Variants in CDK14 observed in about 807,000 individuals in gnomAD.
CDK14 encodes cyclin dependent kinase 14, also known as cyclin-dependent kinase 14.
Under a neutral mutation model 60.7 loss-of-function variants are expected in CDK14, and 34 were observed. The observed-to-expected ratio is 0.56, with a 90% CI of 0.43 to 0.75. The LOEUF is 0.75. Ranked by LOEUF, CDK14 falls within the 30% of genes least tolerant of loss-of-function variation. The pLI is 0.00. For synonymous variants in CDK14, 197 were observed against 203.7 expected, an observed-to-expected ratio of 0.97 and a Z score of 0.28; for missense variants, 482 against 564.1, an observed-to-expected ratio of 0.85 and a Z score of 1.47.
intron 10 of CDK14, among the ~76,000 whole-genome samples, chr7:91,035,885 G>A (rs1405910797): frequency 3.5e-4 from 42 of 120,628 alleles, no homozygotes; most frequent in Admixed American, 8.8e-4. Flanking sequence ...CGCCCAGGCC[G>A]GACTGCGGAC....
intron 5 of CDK14, among the ~76,000 whole-genome samples, chr7:90,835,421 G>T (rs1790061710): frequency 6.6e-6 from 1 of 152,092 alleles, no homozygotes; most frequent in Non-Finnish European, 1.5e-5. Context: ...ACAGATAATT[G>T]CTGGAAGGAA....
At chr7:90,725,533 C>T (rs1003137107) in intron 2 of CDK14, among the ~76,000 whole-genome samples, 3 of 152,150 alleles carry the variant, frequency 2.0e-5, no homozygotes, top group African/African-American at 4.8e-5. Flanking sequence ...GTATTTTTAC[C>T]TTAACAGTGT....
At chr7:90,627,676 C>G (rs962087701) in intron 2 of CDK14, among the ~76,000 whole-genome samples, 3 of 152,258 alleles carry the variant, frequency 2.0e-5, no homozygotes, top group Middle Eastern at 3.4e-3. Context: ...GTTAGAAAAA[C>G]TAATTGTGGG....
rs146135003 is a variant in CDK14 at position 91,161,034 on chromosome 7, G to A, written c.*28+42826G>A. Reference sequence around the variant, plus strand: ...GAGTTTAATTGGGAAGAGAAATGTGGAGACCCACATACACCTTGGAAAGGC... The same window carrying A: ...GAGTTTAATTGGGAAGAGAAATGTGAAGACCCACATACACCTTGGAAAGGC... On this transcript the variant is annotated intron_variant, in intron 14 of 14. Transcript: ENST00000380050. 2.1e-3 allele frequency among the ~76,000 whole-genome samples: 326 copies of A among 152,300 alleles called. 1 individual carries two copies. The highest frequency in any genetic ancestry group is 0.016 in the South Asian group (76 of 4,826).
intron 11 of CDK14, among the ~76,000 whole-genome samples, chr7:91,068,257 A>G (rs760242114): frequency 8.5e-5 from 13 of 152,222 alleles, no homozygotes; most frequent in Non-Finnish European, 1.6e-4. Flanking sequence ...TTTGTTGGTA[A>G]GCCCTTTTGC....
intron 14 of CDK14, among the ~76,000 whole-genome samples, chr7:91,181,138 C>T (rs1056663601): frequency 2.0e-5 from 3 of 152,186 alleles, no homozygotes; most frequent in African/African-American, 7.2e-5. Context: ...CTAATGTTTA[C>T]ATTTCTCTGA....
intron 10 of CDK14, among the ~76,000 whole-genome samples, chr7:90,992,228 C>T (rs1795560385): frequency 1.3e-5 from 2 of 152,174 alleles, no homozygotes; most frequent in South Asian, 4.1e-4. Context: ...TAAAAAGAAA[C>T]TTCTATTAAA....
At chr7:91,068,240 A>G (rs1798035096) in intron 11 of CDK14, among the ~76,000 whole-genome samples, 1 of 152,200 alleles carries the variant, frequency 6.6e-6, no homozygotes, top group Non-Finnish European at 1.5e-5. Flanking sequence ...AAACAAATAA[A>G]TACACATTTG....
intron 6 of CDK14, 60 bp downstream of exon 6, chr7:90,863,329 G>T: frequency 1.0e-6 from 1 of 988,342 alleles, no homozygotes; most frequent in South Asian, 1.5e-5. Context: ...TTCTTATAGT[G>T]TTGTCATAGA....
intron 14 of CDK14, among the ~76,000 whole-genome samples, chr7:91,199,122 C>T (rs1468490772): frequency 1.3e-5 from 2 of 152,112 alleles, no homozygotes; most frequent in African/African-American, 4.8e-5. Context: ...GGGAGTCAGT[C>T]ACTTGTAAAG....
intron 9 of CDK14, among the ~76,000 whole-genome samples, chr7:90,968,838 C>A (rs200113967): frequency 2.3e-5 from 3 of 130,506 alleles, no homozygotes; most frequent in African/African-American, 8.3e-5. Flanking sequence ...AAAAAAAAAA[C>A]AGCTCTAGAA....
intron 2 of CDK14, among the ~76,000 whole-genome samples, chr7:90,715,717 A>T (rs536928879): frequency 3.3e-5 from 5 of 150,674 alleles, no homozygotes; most frequent in Non-Finnish European, 5.9e-5. Context: ...TTGATGAAGA[A>T]ACTAATTAGC....
chr7:90,983,539 G>A (rs1213420125), intron 9 of CDK14, among the ~76,000 whole-genome samples: 1 of 152,018 alleles, frequency 6.6e-6, no homozygotes, highest in Non-Finnish European at 1.5e-5. Context: ...AATTAGCCAG[G>A]CATGGTGGCA....
At chr7:90,991,107 G>T (rs1795520051) in intron 10 of CDK14, among the ~76,000 whole-genome samples, 1 of 152,128 alleles carries the variant, frequency 6.6e-6, no homozygotes, top group Non-Finnish European at 1.5e-5. Flanking sequence ...CAAATTTGGG[G>T]AATTAAGTGA....
At chr7:90,620,591 T>G (rs957594811) in intron 2 of CDK14, among the ~76,000 whole-genome samples, 1 of 152,184 alleles carries the variant, frequency 6.6e-6, no homozygotes, top group African/African-American at 2.4e-5. Flanking sequence ...CCTCTCCACC[T>G]GGCAAAGTTG....
intron 10 of CDK14, among the ~76,000 whole-genome samples, chr7:91,026,665 A>G (rs1796578185): frequency 6.6e-6 from 1 of 152,092 alleles, no homozygotes; most frequent in African/African-American, 2.4e-5. Context: ...CTCACCAGTC[A>G]CCATTAGCTG....
chr7:90,788,277 A>G (rs900458833), intron 4 of CDK14, among the ~76,000 whole-genome samples: 5 of 152,132 alleles, frequency 3.3e-5, no homozygotes, highest in Admixed American at 3.3e-4. Flanking sequence ...GCTGAGAAAA[A>G]TTCATGCAGT....
intron 2 of CDK14, among the ~76,000 whole-genome samples, chr7:90,677,788 G>A (rs1473040379): frequency 1.3e-5 from 2 of 152,068 alleles, no homozygotes; most frequent in Admixed American, 6.6e-5. Flanking sequence ...TGACATTTAC[G>A]AATCTTATCC....
chr7:91,103,867 A>T (rs558702171), intron 12 of CDK14, among the ~76,000 whole-genome samples: 210 of 151,852 alleles, frequency 1.4e-3, no homozygotes, highest in African/African-American at 3.2e-3. Context: ...AGAGAGAGAG[A>T]GTGTGTATTG....
Sources: gnomAD v4.1 joint callset for allele counts (sites outside exome capture counted in the v4.1 genomes callset) on GRCh38, gnomAD v4.1.1 for gene constraint, MANE v1.5 for transcripts, NCBI Gene and HGNC (gene_info 2026-07-23, HGNC 2026-07-21) for gene names.